The following RHOBTB1 variants were observed in gnomAD, a reference collection of about 807,000 sequenced individuals.
RHOBTB1 encodes rho-related BTB domain-containing protein 1.
Under a neutral mutation model 71.6 loss-of-function variants are expected in RHOBTB1, and 40 were observed. The observed-to-expected ratio is 0.56, with a 90% CI of 0.43 to 0.73. RHOBTB1 has a LOEUF of 0.73. RHOBTB1 is among the 30% of genes least tolerant of loss of function. RHOBTB1 has a pLI of 0.00. For synonymous variants in RHOBTB1, 319 were observed against 334.9 expected, an observed-to-expected ratio of 0.95 and a Z score of 0.52; for missense variants, 797 against 894.0, an observed-to-expected ratio of 0.89 and a Z score of 1.38.
Position 60,972,692 on chromosome 10 carries a change from G to T in RHOBTB1, c.-62+13153C>A, listed in dbSNP as rs530250542. On this transcript the variant is annotated intron_variant, in intron 2 of 11. Coordinates refer to the RHOBTB1 transcript ENST00000357917. Reference sequence around the variant, plus strand: ...CAGAACTTAAAGTATAATAAAAAAAGAAAAAAAGAGAGAAAACTAATAACC... The same window carrying T: ...CAGAACTTAAAGTATAATAAAAAAATAAAAAAAGAGAGAAAACTAATAACC... Among the ~76,000 whole-genome samples, 5 of 151,796 alleles carry T rather than the reference G, an allele frequency of 3.3e-5. No homozygotes were observed. The South Asian group carries it at 8.3e-4, about 25-fold the overall frequency.
At chr10:60,898,572 G>A (rs935101711) in intron 4 of RHOBTB1, among the ~76,000 whole-genome samples, 1 of 152,160 alleles carries the variant, frequency 6.6e-6, no homozygotes, top group Non-Finnish European at 1.5e-5. Context: ...CATGGAGGAT[G>A]GAGAGGCCTG....
chr10:60,985,622 AC>A (rs1285538929), intron 2 of RHOBTB1, among the ~76,000 whole-genome samples: 4 of 152,142 alleles, frequency 2.6e-5, no homozygotes, highest in African/African-American at 9.7e-5. Flanking sequence ...GGTCCAAATG[AC>A]TCAAATTCTA....
intron 2 of RHOBTB1, among the ~76,000 whole-genome samples, chr10:60,928,373 T>C (rs1381835565): frequency 6.6e-6 from 1 of 152,048 alleles, no homozygotes; most frequent in Non-Finnish European, 1.5e-5. Flanking sequence ...ATATCTGCAT[T>C]CCCATGTTTA....
At chr10:60,882,548 A>G (rs1355073334) in intron 7 of RHOBTB1, among the ~76,000 whole-genome samples, 1 of 146,790 alleles carries the variant, frequency 6.8e-6, no homozygotes, top group African/African-American at 2.5e-5. Flanking sequence ...ACATAGGCAT[A>G]TTTCACTCTT....
At chr10:60,883,600 C>T (rs2081428998) in intron 7 of RHOBTB1, among the ~76,000 whole-genome samples, 1 of 152,166 alleles carries the variant, frequency 6.6e-6, no homozygotes, top group South Asian at 2.1e-4. Flanking sequence ...CTCTTTATCT[C>T]CAGAGATTGC....
At chr10:60,930,338 T>C (rs2084168642) in intron 2 of RHOBTB1, among the ~76,000 whole-genome samples, 1 of 152,226 alleles carries the variant, frequency 6.6e-6, no homozygotes, top group African/African-American at 2.4e-5. Flanking sequence ...TAGATAATGC[T>C]TGTGAAATAT....
chr10:60,892,085 G>A (rs936255769), intron 5 of RHOBTB1, among the ~76,000 whole-genome samples: 1 of 152,158 alleles, frequency 6.6e-6, no homozygotes, highest in Admixed American at 6.5e-5. Context: ...GCTAAACTGT[G>A]AGTCAATTAA....
intron 2 of RHOBTB1, among the ~76,000 whole-genome samples, chr10:60,969,843 T>C (rs1173654810): frequency 6.6e-6 from 1 of 152,102 alleles, no homozygotes; most frequent in East Asian, 1.9e-4. Context: ...TTTAAAGAAA[T>C]AGAATAATAA....
At chr10:60,950,092 C>T (rs2085361230) in intron 2 of RHOBTB1, among the ~76,000 whole-genome samples, 1 of 152,100 alleles carries the variant, frequency 6.6e-6, no homozygotes, top group African/African-American at 2.4e-5. Context: ...GATGGTGTTC[C>T]ACTGGTCTAG....
chr10:60,924,244 T>C (rs930176946), intron 2 of RHOBTB1, among the ~76,000 whole-genome samples: 1 of 135,026 alleles, frequency 7.4e-6, no homozygotes, highest in African/African-American at 3.3e-5. Context: ...CGAATGACTA[T>C]AAATTTCACC....
chr10:60,864,001 C>A, the RHOBTB1 span, among the ~76,000 whole-genome samples: 27,493 of 152,080 alleles, frequency 0.18, 2,771 homozygotes, highest in African/African-American at 0.27. Context: ...ATCCCCTCCC[C>A]CTCCACTGCC....
At chr10:60,978,875 C>T (rs2086401176) in intron 2 of RHOBTB1, among the ~76,000 whole-genome samples, 1 of 152,242 alleles carries the variant, frequency 6.6e-6, no homozygotes, top group Admixed American at 6.5e-5. Flanking sequence ...ATCAGACATT[C>T]CTCTACTCAC....
intron 4 of RHOBTB1, among the ~76,000 whole-genome samples, chr10:60,900,852 T>A (rs1339045562): frequency 5.9e-5 from 9 of 152,092 alleles, no homozygotes; most frequent in African/African-American, 2.2e-4. Context: ...ACGGCAGAGG[T>A]TAACCGGTTA....
rs776047924 is a variant in RHOBTB1 at position 60,892,860 on chromosome 10, G to A, written c.432C>T (p.Leu144=). 1 of 1,614,008 alleles carries A rather than the reference G, an allele frequency of 6.2e-7. No individual in the cohort carries two copies. Among genetic ancestry groups the A allele is most frequent in the Non-Finnish European group, 8.5e-7 (1 of 1,179,970 alleles). ...TAACAGCTTCCAGGTCGGCATAGCG[G>A]AGATCAAGCTGGCACCCAACAAGGA... ...PVILVGCQLD[L]RYADLEAVNR... is the part of the protein sequence containing the mutation. The change falls in exon 5 of 11, where the codon CTC becomes CTT. Residue 144 remains leucine, a synonymous_variant. Coordinates refer to ENST00000337910, the MANE Select transcript of RHOBTB1 (RefSeq NM_014836.5).
At chr10:60,989,978 CTTTTT>C (rs769184320) in intron 1 of RHOBTB1, among the ~76,000 whole-genome samples, 4 of 122,278 alleles carry the variant, frequency 3.3e-5, no homozygotes, top group Non-Finnish European at 5.1e-5. Flanking sequence ...TCAGAATGTC[CTTTTT>C]TTTTTTTTTT....
intron 2 of RHOBTB1, among the ~76,000 whole-genome samples, chr10:60,928,752 G>A (rs927689386): frequency 6.6e-5 from 10 of 152,060 alleles, no homozygotes; most frequent in Admixed American, 2.6e-4. Context: ...ATAATTTATT[G>A]TATAGTTAAA....
intron 1 of RHOBTB1, among the ~76,000 whole-genome samples, chr10:60,992,916 A>G (rs2086917367): frequency 6.6e-6 from 1 of 152,172 alleles, no homozygotes; most frequent in African/African-American, 2.4e-5. Context: ...GAAGCCAGTT[A>G]TTGTATTTGC....
At chr10:60,910,805 T>G (rs1564918854) in intron 4 of RHOBTB1, 82 bp downstream of exon 4, 2 of 992,632 alleles carry the variant, frequency 2.0e-6, no homozygotes. Flanking sequence ...TGATGTGGTT[T>G]TTGTTGATTT....
At chr10:60,967,265 A>T (rs1414751446) in intron 2 of RHOBTB1, among the ~76,000 whole-genome samples, 4 of 150,090 alleles carry the variant, frequency 2.7e-5, no homozygotes, top group Non-Finnish European at 4.4e-5. Flanking sequence ...GAATACATTT[A>T]GGTTTTTCTT....
Sources: gnomAD v4.1 joint callset for allele counts (sites outside exome capture counted in the v4.1 genomes callset) on GRCh38, gnomAD v4.1.1 for gene constraint, MANE v1.5 for transcripts, NCBI Gene and HGNC (gene_info 2026-07-23, HGNC 2026-07-21) for gene names.